Variants in ASIC2 observed in about 807,000 individuals in gnomAD.
The protein encoded by ASIC2 is acid sensing ion channel subunit 2.
ASIC2 carries 25 observed loss-of-function variants against 57.3 expected under a neutral mutation model. The ratio of observed to expected loss-of-function variants is 0.44; its 90% CI spans 0.32 to 0.61. The LOEUF (loss-of-function observed/expected upper bound fraction) is 0.61. Among genes scored for constraint, ASIC2 ranks in the 20% least tolerant of loss-of-function variants. The probability of loss-of-function intolerance (pLI) is 0.06; values close to 1 mark genes in which losing one functional copy is unlikely to be tolerated. For missense variants in ASIC2, 641 were observed against 738.1 expected, an observed-to-expected ratio of 0.87 and a Z score of 1.52; for synonymous variants, 319 against 307.5, an observed-to-expected ratio of 1.04 and a Z score of -0.39.
In ASIC2 at chr17:34,131,954, G is replaced by C. The variant is rs551645483; in HGVS notation, c.555+24024C>G. On this transcript the variant is annotated intron_variant, in intron 1 of 9. Coordinates refer to the ASIC2 transcript ENST00000359872. ...AACTCTGGTCTCTCTTGGGGCAGTG[G>C]GACGGGGACATTTTGGAAACTTTTG... 2.0e-5 allele frequency among the ~76,000 whole-genome samples: 3 copies of C among 152,274 alleles called. No homozygotes were observed. The South Asian group carries it at 6.2e-4, about 32-fold the overall frequency.
chr17:33,910,931 T>C (rs1915448702), intron 1 of ASIC2, among the ~76,000 whole-genome samples: 1 of 152,092 alleles, frequency 6.6e-6, no homozygotes, highest in Non-Finnish European at 1.5e-5. Context: ...TGCAGAAACA[T>C]GTCCCCAGGA....
At chr17:33,148,901 C>G (rs1362112538) in intron 1 of ASIC2, among the ~76,000 whole-genome samples, 1 of 152,140 alleles carries the variant, frequency 6.6e-6, no homozygotes, top group East Asian at 1.9e-4. Context: ...CAAGACCAGC[C>G]TGGCCAACGT....
chr17:33,294,635 TACACATACA>T (rs1458894902), upstream of ASIC2, among the ~76,000 whole-genome samples: 1 of 151,622 alleles, frequency 6.6e-6, no homozygotes, highest in African/African-American at 2.4e-5. Context: ...ACACACACAC[TACACATACA>T]ACACACATAT....
intron 1 of ASIC2, among the ~76,000 whole-genome samples, chr17:34,121,161 C>T (rs565500915): frequency 7.9e-5 from 12 of 152,278 alleles, no homozygotes; most frequent in Admixed American, 2.0e-4. Context: ...CCAGCATCAC[C>T]AGAAGCCAGA....
In ASIC2 at chr17:33,111,787, C is replaced by G. The variant is rs542028202; in HGVS notation, c.859+130G>C. ...AGCCAGGGACATCTTTATGATCTAG[C>G]AGCATGTCACAAACCCCTTGCTGGA... On this transcript the variant is annotated intron_variant, in intron 2 of 9. Transcript: ENST00000225823. 9.9e-6 allele frequency: 13 copies of G among 1,313,090 alleles called. No homozygotes were observed. In the African/African-American group the frequency reaches 1.4e-4, roughly 14 times the overall value. The allele number at this position is 1,313,090 out of a possible 1,614,324, so 81.3% of individuals were successfully genotyped here. A position where few individuals can be genotyped will look rare whatever the true frequency, so the allele number is the denominator to read the frequency against.
intron 1 of ASIC2, among the ~76,000 whole-genome samples, chr17:33,837,627 T>G (rs771341364): frequency 6.6e-6 from 1 of 152,250 alleles, no homozygotes; most frequent in African/African-American, 2.4e-5. Flanking sequence ...TTTATGCTTA[T>G]CTGGAGTGTG....
intron 1 of ASIC2, among the ~76,000 whole-genome samples, chr17:33,154,126 C>A (rs1904907611): frequency 6.6e-6 from 1 of 152,182 alleles, no homozygotes; most frequent in Non-Finnish European, 1.5e-5. Flanking sequence ...TCCTGGGCAA[C>A]TAGGATCCTA....
intron 1 of ASIC2, among the ~76,000 whole-genome samples, chr17:33,835,457 T>A (rs1458504389): frequency 6.6e-6 from 1 of 152,156 alleles, no homozygotes; most frequent in Non-Finnish European, 1.5e-5. Context: ...AAACCCCAGG[T>A]CATCTTAATT....
At chr17:34,039,921 A>T in intron 1 of ASIC2, 1 of 1,495,698 alleles carries the variant, frequency 6.7e-7, no homozygotes, top group Admixed American at 1.7e-5. Flanking sequence ...CCCTGGAGGG[A>T]CCCCGACCCG....
intron 1 of ASIC2, among the ~76,000 whole-genome samples, chr17:33,168,920 GA>G (rs929082057): frequency 6.6e-6 from 1 of 152,164 alleles, no homozygotes; most frequent in Non-Finnish European, 1.5e-5. Flanking sequence ...AATACTGATA[GA>G]AAAAAGATAG....
intron 1 of ASIC2, among the ~76,000 whole-genome samples, chr17:33,604,768 T>C (rs548865658): frequency 6.6e-6 from 1 of 152,138 alleles, no homozygotes; most frequent in African/African-American, 2.4e-5. Flanking sequence ...GGGAGGCCCA[T>C]GTCAGACCCA....
At chr17:33,545,373 T>C (rs952125968) in intron 1 of ASIC2, among the ~76,000 whole-genome samples, 3 of 152,150 alleles carry the variant, frequency 2.0e-5, no homozygotes, top group African/African-American at 7.2e-5. Flanking sequence ...TTGAAAGACG[T>C]CTTCATTTGT....
intron 1 of ASIC2, among the ~76,000 whole-genome samples, chr17:33,963,432 G>GA (rs893154819): frequency 6.6e-6 from 1 of 152,052 alleles, no homozygotes; most frequent in African/African-American, 2.4e-5. Flanking sequence ...AGCACAGAGA[G>GA]AAAAATGTCA....
chr17:34,060,093 G>A (rs1292255703), intron 1 of ASIC2, among the ~76,000 whole-genome samples: 1 of 152,168 alleles, frequency 6.6e-6, no homozygotes, highest in Non-Finnish European at 1.5e-5. Context: ...AGAGTCCATT[G>A]CACCATCTGC....
chr17:34,097,472 A>G (rs1469323313), intron 1 of ASIC2, among the ~76,000 whole-genome samples: 1 of 152,162 alleles, frequency 6.6e-6, no homozygotes, highest in Non-Finnish European at 1.5e-5. Flanking sequence ...GAATGATCCT[A>G]TTTGGAAATA....
chr17:33,736,383 T>C (rs1043663366), intron 1 of ASIC2, among the ~76,000 whole-genome samples: 7 of 152,146 alleles, frequency 4.6e-5, no homozygotes, highest in Non-Finnish European at 1.0e-4. Flanking sequence ...TGCAGACATT[T>C]TGGAAGGGAA....
chr17:33,124,517 A>AT (rs2092315969), intron 1 of ASIC2, among the ~76,000 whole-genome samples: 2 of 152,220 alleles, frequency 1.3e-5, no homozygotes, highest in Admixed American at 1.3e-4. Context: ...CAAGTTAGAT[A>AT]AACACTATTT....
At chr17:34,099,305 G>A (rs1237580033) in intron 1 of ASIC2, among the ~76,000 whole-genome samples, 42 of 130,726 alleles carry the variant, frequency 3.2e-4, no homozygotes, top group African/African-American at 5.2e-4. Flanking sequence ...GAAAGAAAGA[G>A]AAAGAAAGAA....
chr17:33,084,194 G>C (rs2092125349), intron 3 of ASIC2, among the ~76,000 whole-genome samples: 1 of 152,190 alleles, frequency 6.6e-6, no homozygotes, highest in Non-Finnish European at 1.5e-5. Flanking sequence ...GAGGTCATTT[G>C]AAGTCATCTC....
Sources: allele counts gnomAD v4.1 joint callset (sites outside exome capture counted in the v4.1 genomes callset), GRCh38; gene constraint gnomAD v4.1.1; transcripts MANE v1.5; gene names NCBI Gene and HGNC (gene_info 2026-07-23, HGNC 2026-07-21).